MTNR1A: variants seen among roughly 807,000 people sequenced by gnomAD.
The protein encoded by MTNR1A is melatonin receptor type 1A.
MTNR1A carries 7 observed loss-of-function variants against 5.5 expected under a neutral mutation model. The observed-to-expected ratio is 1.28, with a 90% CI of 0.73 to 2.40. The LOEUF (loss-of-function observed/expected upper bound fraction) is 2.40. Ranked by LOEUF, MTNR1A falls within the 30% of genes most tolerant of loss-of-function variation. The pLI, the probability that MTNR1A is intolerant of heterozygous loss-of-function variation, is 0.00. For missense variants in MTNR1A, 441 were observed against 464.4 expected, an observed-to-expected ratio of 0.95 and a Z score of 0.46; for synonymous variants, 196 against 202.7, an observed-to-expected ratio of 0.97 and a Z score of 0.28.
chr4:186,546,053 G>A (rs956513856), intron 1 of MTNR1A, among the ~76,000 whole-genome samples: 9 of 152,312 alleles, frequency 5.9e-5, no homozygotes, highest in East Asian at 5.8e-4. Flanking sequence ...ACTTGCTAAC[G>A]TGACCTCAGG....
chr4:186,545,255 G>A (rs559060743), intron 1 of MTNR1A, among the ~76,000 whole-genome samples: 1 of 152,078 alleles, frequency 6.6e-6, no homozygotes, highest in Non-Finnish European at 1.5e-5. Context: ...ACTTACTATG[G>A]TGTCTTACAG....
At chr4:186,534,985 G>C (rs1268143978) in intron 1 of MTNR1A, among the ~76,000 whole-genome samples, 1 of 152,114 alleles carries the variant, frequency 6.6e-6, no homozygotes, top group Admixed American at 6.5e-5. Context: ...GCTCTCAGGG[G>C]GCCTCTAGCT....
chr4:186,543,025 C>T (rs1004594429), intron 1 of MTNR1A, among the ~76,000 whole-genome samples: 3 of 152,144 alleles, frequency 2.0e-5, no homozygotes, highest in Non-Finnish European at 2.9e-5. Flanking sequence ...CCCAAGAGTT[C>T]AAGGCTGCAG....
At position 186,555,308 on chromosome 4, in the gene MTNR1A, C is replaced by T; in HGVS notation, c.58G>A (p.Gly20Ser). Residue 20 changes from glycine to serine, a missense_variant, in exon 1 of 2, where the codon GGC becomes AGC. Transcript: ENST00000307161. The surrounding 1 kb of genome is among the most constrained non-coding windows in gnomAD (Gnocchi z 4.1). ...GACGCCAGCCACGAGGGCCGCGCGC[C>T]GTCCCCGCGGAGCACGGGCTGGGAG... ...NASQPVLRGD[G>S]ARPSWLASAL... 1 of 1,547,336 alleles carries T rather than the reference C, an allele frequency of 6.5e-7. No homozygotes were observed. The highest frequency in any genetic ancestry group is 8.7e-7 in the Non-Finnish European group (1 of 1,146,128).
In MTNR1A at chr4:186,534,252, G is replaced by C. The variant is rs778736102; in HGVS notation, c.490C>G (p.Arg164Gly). The C allele has an allele frequency of 1.2e-6, 2 of 1,614,042 alleles. No homozygotes were observed. Among genetic ancestry groups the C allele is most frequent in the African/African-American group, 1.3e-5 (1 of 74,920 alleles). ...LTLAAVLPNL[R>G]AGTLQYDPRI... is the part of the protein sequence containing the mutation. ...GGGTCGTACTGGAGAGTCCCTGCAC[G>C]GAGGTTGGGCAGGACGGCCGCCAGC... Residue 164 changes from arginine (R) to glycine (G), a missense_variant, in exon 2 of 2, where the codon CGT becomes GGT. Arg to Gly is a moderately radical substitution (Grantham distance 125). Transcript: ENST00000307161.
rs560569182 is a variant in MTNR1A, at chr4:186,537,651, A to G, written c.185-3094T>C. Among the ~76,000 whole-genome samples the G allele has an allele frequency of 6.6e-4, 101 of 152,342 alleles. 2 individuals are homozygous for G. Among genetic ancestry groups the G allele is most frequent in the African/African-American group, 2.4e-3 (99 of 41,582 alleles). On this transcript the variant is annotated intron_variant, in intron 1 of 1. Coordinates refer to ENST00000307161, the MANE Select transcript of MTNR1A (RefSeq NM_005958.4). ...TGAGAAAACAAAAATATAGAGTTAA[A>G]TTGGATGAAGTCGTACGACTACTTA...
intron 1 of MTNR1A, among the ~76,000 whole-genome samples, chr4:186,546,866 G>A (rs1737160073): frequency 7.4e-6 from 1 of 135,606 alleles, no homozygotes; most frequent in Non-Finnish European, 1.5e-5. Context: ...GGGACACACC[G>A]TCCACACCAC....
chr4:186,540,826 T>C (rs898215834), intron 1 of MTNR1A, among the ~76,000 whole-genome samples: 1 of 151,378 alleles, frequency 6.6e-6, no homozygotes, highest in Non-Finnish European at 1.5e-5. Flanking sequence ...AGGTGCTGTC[T>C]GACTGAAGGA....
At chr4:186,545,947 G>C (rs972250247) in intron 1 of MTNR1A, among the ~76,000 whole-genome samples, 2 of 152,182 alleles carry the variant, frequency 1.3e-5, no homozygotes, top group Non-Finnish European at 2.9e-5. Context: ...TAAATGTAAA[G>C]AGACTATACC....
At position 186,534,331 on chromosome 4, in the gene MTNR1A, T is replaced by G. The variant is rs371828727; in HGVS notation, c.411A>C (p.Lys137Asn). 4 of 1,614,012 alleles carry G rather than the reference T, an allele frequency of 2.5e-6. No individual in the cohort carries two copies. Among genetic ancestry groups the G allele is most frequent in the Non-Finnish European group, 3.4e-6 (4 of 1,179,994 alleles). ...AGAGGGAGTTCTTGCTGCTGTACAG[T>G]TTGTCGTACTTGAGACTGTGGCAGA... ...CYICHSLKYDKLYSSKNSLCY... is the reference protein window; with the variant it reads ...CYICHSLKYDNLYSSKNSLCY... The change falls in exon 2 of 2, where the codon AAA becomes AAC. Residue 137 changes from lysine to asparagine, a missense_variant. Transcript: ENST00000307161.
intron 1 of MTNR1A, among the ~76,000 whole-genome samples, chr4:186,540,219 GGT>G (rs1314209280): frequency 6.6e-6 from 1 of 152,156 alleles, no homozygotes; most frequent in Non-Finnish European, 1.5e-5. Context: ...GACAACCCAT[GGT>G]AATTCAAAAT....
chr4:186,540,567 C>T (rs938863266), intron 1 of MTNR1A, among the ~76,000 whole-genome samples: 4 of 152,270 alleles, frequency 2.6e-5, no homozygotes, highest in African/African-American at 9.6e-5. Context: ...AGTCTGAATG[C>T]TCGAACATGG....
intron 1 of MTNR1A, among the ~76,000 whole-genome samples, chr4:186,541,806 T>C (rs1029377000): frequency 2.6e-5 from 4 of 152,006 alleles, no homozygotes; most frequent in African/African-American, 9.7e-5. Flanking sequence ...TGTGGAAAAA[T>C]TGTCTTCCAT....
chr4:186,536,333 C>G (rs1736848842), intron 1 of MTNR1A, among the ~76,000 whole-genome samples: 1 of 142,804 alleles, frequency 7.0e-6, no homozygotes, highest in Non-Finnish European at 1.5e-5. Flanking sequence ...GTGACAAGAG[C>G]AAAACTCCGT....
At chr4:186,546,193 G>A (rs1737136746) in intron 1 of MTNR1A, among the ~76,000 whole-genome samples, 1 of 152,090 alleles carries the variant, frequency 6.6e-6, no homozygotes, top group Non-Finnish European at 1.5e-5. Flanking sequence ...TCTTATTTCT[G>A]TTCCCCTGTG....
At chr4:186,549,685 T>G (rs1737228410) in intron 1 of MTNR1A, among the ~76,000 whole-genome samples, 1 of 152,154 alleles carries the variant, frequency 6.6e-6, no homozygotes, top group Admixed American at 6.6e-5. Context: ...TGTTTGAAAA[T>G]AAGAAGAACA....
chr4:186,536,856 T>C (rs1736866715), intron 1 of MTNR1A, among the ~76,000 whole-genome samples: 1 of 152,240 alleles, frequency 6.6e-6, no homozygotes, highest in African/African-American at 2.4e-5. Flanking sequence ...AAGAGGTGTA[T>C]TTTAATAAAT....
intron 1 of MTNR1A, among the ~76,000 whole-genome samples, chr4:186,539,841 T>C (rs1012141037): frequency 7.9e-5 from 12 of 152,216 alleles, no homozygotes; most frequent in Admixed American, 2.6e-4. Context: ...GCTTGAATTG[T>C]TTATAGGGTT....
At chr4:186,540,085 G>C (rs889676591) in intron 1 of MTNR1A, among the ~76,000 whole-genome samples, 1 of 152,214 alleles carries the variant, frequency 6.6e-6, no homozygotes, top group Non-Finnish European at 1.5e-5. Context: ...CAGGCAAAGA[G>C]AGAGCTTGTG....
Sources: allele counts gnomAD v4.1 joint callset (sites outside exome capture counted in the v4.1 genomes callset), GRCh38; gene constraint gnomAD v4.1.1; non-coding constraint Gnocchi (gnomAD v3.1); transcripts MANE v1.5; gene names NCBI Gene and HGNC (gene_info 2026-07-23, HGNC 2026-07-21).